EPHA5: variants seen among roughly 807,000 people sequenced by gnomAD.
EPHA5 encodes ephrin type-A receptor 5.
A neutral mutation model predicts 105.0 loss-of-function variants in EPHA5; 60 were observed. The observed-to-expected ratio is 0.57, with a 90% CI of 0.46 to 0.71. The LOEUF is 0.71. Ranked by LOEUF, EPHA5 falls within the 30% of genes least tolerant of loss-of-function variation. The probability of loss-of-function intolerance (pLI) is 0.00; values close to 1 mark genes in which losing one functional copy is unlikely to be tolerated. For missense variants in EPHA5, 1,218 were observed against 1,274.7 expected (o/e 0.96, Z 0.68); for synonymous variants, 513 against 449.1 (o/e 1.14, Z -1.80).
intron 5 of EPHA5, among the ~76,000 whole-genome samples, chr4:65,442,670 G>T (rs1257938442): frequency 6.6e-6 from 1 of 152,118 alleles, no homozygotes; most frequent in Non-Finnish European, 1.5e-5. Flanking sequence ...ATATTAATAT[G>T]TTGCATTATT....
chr4:65,406,519 C>T (rs1218899241), intron 7 of EPHA5, among the ~76,000 whole-genome samples: 1 of 151,388 alleles, frequency 6.6e-6, no homozygotes, highest in Non-Finnish European at 1.5e-5. Flanking sequence ...TCTCTTCCCA[C>T]AGCAATGTAT....
At chr4:65,428,748 C>T (rs544166603) in intron 5 of EPHA5, among the ~76,000 whole-genome samples, 1 of 152,070 alleles carries the variant, frequency 6.6e-6, no homozygotes, top group South Asian at 2.1e-4. Flanking sequence ...ACGAAAGTAA[C>T]TTAATTGCCA....
intron 2 of EPHA5, among the ~76,000 whole-genome samples, chr4:65,628,611 A>T (rs899934981): frequency 6.6e-6 from 1 of 152,194 alleles, no homozygotes; most frequent in Non-Finnish European, 1.5e-5. Context: ...CACCACTATT[A>T]GTTACCTTTA....
intron 5 of EPHA5, among the ~76,000 whole-genome samples, chr4:65,444,126 T>C (rs905346096): frequency 6.6e-6 from 1 of 152,196 alleles, no homozygotes. Flanking sequence ...AGGCTACATG[T>C]TTTCATTAAA....
chr4:65,520,349 C>T (rs1257456556), intron 3 of EPHA5, among the ~76,000 whole-genome samples: 1 of 152,152 alleles, frequency 6.6e-6, no homozygotes, highest in Admixed American at 6.5e-5. Flanking sequence ...AACTGGATCC[C>T]TTCCTTACAC....
At chr4:65,337,935 G>A (rs985028308) in intron 14 of EPHA5, among the ~76,000 whole-genome samples, 1 of 152,014 alleles carries the variant, frequency 6.6e-6, no homozygotes, top group African/African-American at 2.4e-5. Context: ...AAAGTCCTAA[G>A]AGCAGCCTAC....
At chr4:65,467,395 G>T (rs1728823076) in intron 5 of EPHA5, among the ~76,000 whole-genome samples, 1 of 152,136 alleles carries the variant, frequency 6.6e-6, no homozygotes, top group Non-Finnish European at 1.5e-5. Flanking sequence ...CTCCCATTAA[G>T]GGTGGAATAC....
At chr4:65,416,713 T>C (rs1021671167) in intron 6 of EPHA5, among the ~76,000 whole-genome samples, 1 of 152,178 alleles carries the variant, frequency 6.6e-6, no homozygotes, top group Non-Finnish European at 1.5e-5. Context: ...TATGTCTCAG[T>C]TGTTCCTTAG....
At chr4:65,524,815 T>C (rs1402592396) in intron 3 of EPHA5, among the ~76,000 whole-genome samples, 3 of 151,720 alleles carry the variant, frequency 2.0e-5, no homozygotes, top group Non-Finnish European at 4.4e-5. Context: ...TAACAGATTG[T>C]ATGGCAGCTG....
intron 5 of EPHA5, among the ~76,000 whole-genome samples, chr4:65,464,281 C>A (rs1728400618): frequency 6.6e-6 from 1 of 151,934 alleles, no homozygotes; most frequent in Non-Finnish European, 1.5e-5. Context: ...TTGTTTTCTA[C>A]AAATTCTTTT....
intron 8 of EPHA5, among the ~76,000 whole-genome samples, chr4:65,398,790 T>C (rs1337165183): frequency 6.6e-6 from 1 of 152,108 alleles, no homozygotes; most frequent in East Asian, 1.9e-4. Context: ...CTGGGTCTCC[T>C]CTCCTGAGAG....
chr4:65,419,606 G>A (rs2149034189), intron 6 of EPHA5, among the ~76,000 whole-genome samples: 1 of 152,164 alleles, frequency 6.6e-6, no homozygotes, highest in African/African-American at 2.4e-5. Context: ...TCCTCTTTTA[G>A]AATTCAGGTT....
chr4:65,546,481 C>A (rs1395024508), intron 3 of EPHA5, among the ~76,000 whole-genome samples: 1 of 151,960 alleles, frequency 6.6e-6, no homozygotes, highest in African/African-American at 2.4e-5. Context: ...GGACTTCTGC[C>A]TATTAACAAC....
intron 3 of EPHA5, among the ~76,000 whole-genome samples, chr4:65,536,729 G>A (rs908626090): frequency 1.3e-5 from 2 of 149,418 alleles, no homozygotes; most frequent in African/African-American, 4.9e-5. Context: ...TTGAATTTGA[G>A]TAAAAATAAA....
In EPHA5 at chr4:65,441,813, G is replaced by A. The variant is rs185548149; in HGVS notation, c.1403-21248C>T. 1.5e-3 allele frequency among the ~76,000 whole-genome samples: 223 copies of A among 152,166 alleles called. 1 individual carries two copies. The highest frequency in any genetic ancestry group is 6.8e-3 in the Middle Eastern group (2 of 294). Reference sequence around the variant, plus strand: ...TTCTCAATTAAGAAATATAATCTAAGCTAAATAGAATAATTATCAAGGAAA... The same window carrying A: ...TTCTCAATTAAGAAATATAATCTAAACTAAATAGAATAATTATCAAGGAAA... On this transcript the variant is annotated intron_variant, in intron 5 of 16. Transcript: ENST00000613740.
At chr4:65,339,916 C>T (rs1205588753) in intron 14 of EPHA5, among the ~76,000 whole-genome samples, 1 of 152,158 alleles carries the variant, frequency 6.6e-6, no homozygotes, top group African/African-American at 2.4e-5. Context: ...GTGGCCCTGG[C>T]TGTGAGTTGA....
rs763537842 is a variant in EPHA5, at chr4:65,349,536, T to C, written c.2446-1333A>G. On this transcript the variant is annotated intron_variant, in intron 13 of 16. Transcript: ENST00000613740. ...TCTTGTAAAAAGACTAACATGTGCC[T>C]TCCCATTTTGCAGGAAGGGAAAGAT... is the stretch of plus-strand genomic sequence containing the variant. 1.4e-4 allele frequency among the ~76,000 whole-genome samples: 21 copies of C among 152,246 alleles called. 1 individual carries two copies. The South Asian group carries it at 2.1e-3, about 15-fold the overall frequency.
At chr4:65,590,651 GAA>G (rs1207559640) in intron 3 of EPHA5, among the ~76,000 whole-genome samples, 2 of 152,114 alleles carry the variant, frequency 1.3e-5, no homozygotes, top group Admixed American at 6.5e-5. Flanking sequence ...AAATTGGAGA[GAA>G]AGAGAGAGAG....
At chr4:65,356,980 C>T (rs2148869632) in intron 11 of EPHA5, among the ~76,000 whole-genome samples, 1 of 151,522 alleles carries the variant, frequency 6.6e-6, no homozygotes, top group South Asian at 2.1e-4. Flanking sequence ...TATCAAAAAT[C>T]CATATAAAAA....
Sources: gnomAD v4.1 joint callset for allele counts (sites outside exome capture counted in the v4.1 genomes callset) on GRCh38, gnomAD v4.1.1 for gene constraint, MANE v1.5 for transcripts, NCBI Gene and HGNC (gene_info 2026-07-23, HGNC 2026-07-21) for gene names.